HMCN1: variants seen among roughly 807,000 people sequenced by gnomAD.
HMCN1 encodes hemicentin-1.
In HMCN1, 321 loss-of-function variants were observed where a neutral mutation model predicts 625.9. The ratio of observed to expected loss-of-function variants is 0.51; its 90% CI spans 0.47 to 0.56. The LOEUF (loss-of-function observed/expected upper bound fraction) is 0.56. HMCN1 is among the 20% of genes least tolerant of loss of function. HMCN1 has a pLI of 0.00. For synonymous variants in HMCN1, 2,425 were observed against 2,417.6 expected (o/e 1.00, Z -0.09); for missense variants, 6,588 against 6,887.3 (o/e 0.96, Z 1.54).
At chr1:186,161,569 T>C (rs990059867) in intron 97 of HMCN1, among the ~76,000 whole-genome samples, 5 of 152,070 alleles carry the variant, frequency 3.3e-5, no homozygotes, top group African/African-American at 1.2e-4. Flanking sequence ...CAGTTGTTCC[T>C]TTCCATGTTT....
At chr1:186,186,716 C>G (rs1653334090) in intron 105 of HMCN1, among the ~76,000 whole-genome samples, 1 of 151,970 alleles carries the variant, frequency 6.6e-6, no homozygotes, top group African/African-American at 2.4e-5. Flanking sequence ...GACCTCCAGG[C>G]CATGAGATGT....
At position 186,016,045 on chromosome 1, in the gene HMCN1, C is replaced by T. The variant is rs755065895; in HGVS notation, c.4997C>T (p.Ala1666Val). The stretch of plus-strand genomic sequence containing the variant: ...TCTCTGACACTGGAGTGCAAAGCTG[C>T]TGGAAACCCTTCTCCCATTCTCACC... ...AHSLTLECKA[A>V]GNPSPILTWL... Residue 1666 changes from alanine to valine, a missense_variant, in exon 32 of 107, where the codon GCT (alanine) becomes GTT (valine). Transcript: ENST00000271588. 23 of 1,613,334 alleles carry T rather than the reference C, an allele frequency of 1.4e-5. No homozygotes were observed. The highest frequency in any genetic ancestry group is 1.9e-5 in the Non-Finnish European group (23 of 1,179,590).
At chr1:185,739,527 T>C (rs532766847) in intron 1 of HMCN1, among the ~76,000 whole-genome samples, 3 of 152,270 alleles carry the variant, frequency 2.0e-5, no homozygotes, top group South Asian at 4.1e-4. Context: ...GGACAGTGTG[T>C]TTTAATGAGT....
At position 185,855,293 on chromosome 1, in the gene HMCN1, C is replaced by T. The variant is rs192720579; in HGVS notation, c.340-9177C>T. Among the ~76,000 whole-genome samples, 22 of 152,146 alleles carry T rather than the reference C, an allele frequency of 1.4e-4. 1 individual carries two copies. Among genetic ancestry groups the T allele is most frequent in the Admixed American group, 4.6e-4 (7 of 15,272 alleles). The stretch of plus-strand genomic sequence containing the variant: ...TTTGAAGGTCACAATAAAAAGATAC[C>T]GAATCCTTGAAGAGGGTAAGAAAGA... On this transcript the variant is annotated intron_variant, in intron 2 of 106. Transcript: ENST00000271588.
At chr1:186,090,991 G>A (rs1160618817) in intron 64 of HMCN1, 74 bp downstream of exon 64, 1 of 1,443,592 alleles carries the variant, frequency 6.9e-7, no homozygotes, top group African/African-American at 1.4e-5. Flanking sequence ...AATTTCACAT[G>A]AATAATAATA....
chr1:185,902,607 A>T (rs1665880393), intron 4 of HMCN1, among the ~76,000 whole-genome samples: 1 of 151,696 alleles, frequency 6.6e-6, no homozygotes, highest in African/African-American at 2.4e-5. Context: ...ATATATGGAT[A>T]GGTAAATAAA....
intron 41 of HMCN1, among the ~76,000 whole-genome samples, chr1:186,047,157 G>A (rs1656632313): frequency 1.3e-5 from 2 of 152,118 alleles, no homozygotes; most frequent in Non-Finnish European, 2.9e-5. Flanking sequence ...GGCAAAGGAT[G>A]GAGATCTTAG....
In HMCN1 at chr1:186,145,564, A is replaced by G. The variant is rs1024643080; in HGVS notation, c.14428A>G (p.Met4810Val). 30 of 1,613,926 alleles carry G rather than the reference A, an allele frequency of 1.9e-5. No individual in the cohort carries two copies. The highest frequency in any genetic ancestry group is 1.0e-4 in the Admixed American group (6 of 59,996). The change falls in exon 92 of 107, where the codon ATG becomes GTG. Residue 4810 changes from methionine (M) to valine (V), a missense_variant. This residue lies in a region of HMCN1 where 1,954 missense variants were observed against 2,013.1 expected (regional missense o/e 0.97). Coordinates refer to ENST00000271588, the MANE Select transcript of HMCN1 (RefSeq NM_031935.3). ...CCAGATCCAGAGGTGCAACACTGAC[A>G]TGTGTCCTGGTGAGCCTCTTGATTT... Reference protein sequence around the residue: ...DSQIQRCNTDMCPVDGSWGSW... With the variant: ...DSQIQRCNTDVCPVDGSWGSW...
In HMCN1 at chr1:186,172,042, A is replaced by G; in HGVS notation, c.15725A>G (p.Asp5242Gly). The stretch of plus-strand genomic sequence containing the variant: ...TGTAGACAAAATGTATGCAGACCAG[A>G]TCAGCACTGTAAGAACACCCGTGGT... Reference protein sequence around the residue: ...NECRQNVCRPDQHCKNTRGGY... With the variant: ...NECRQNVCRPGQHCKNTRGGY... The change falls in exon 102 of 107, where the codon GAT becomes GGT. Residue 5242 changes from aspartate to glycine, a missense_variant. By Grantham distance (94) the Asp-to-Gly change is moderately conservative (BLOSUM62 -1). Coordinates refer to ENST00000271588, the MANE Select transcript of HMCN1 (RefSeq NM_031935.3). The G allele has an allele frequency of 6.2e-7, 1 of 1,613,688 alleles. No homozygotes were observed. The highest frequency in any genetic ancestry group is 8.5e-7 in the Non-Finnish European group (1 of 1,179,630).
chr1:185,948,475 T>C (rs924238564), intron 11 of HMCN1, among the ~76,000 whole-genome samples: 2 of 135,992 alleles, frequency 1.5e-5, no homozygotes, highest in African/African-American at 5.6e-5. Context: ...TGGGCAGGAG[T>C]GGGGGTCGCA....
At chr1:186,016,343 G>T (rs1359093946) in intron 32 of HMCN1, 104 bp downstream of exon 32, 4 of 1,108,444 alleles carry the variant, frequency 3.6e-6, no homozygotes, top group Admixed American at 3.9e-5. Context: ...TCTAAAAGAA[G>T]GTATAGTCCT....
chr1:185,787,583 C>T (rs1048364838), intron 1 of HMCN1, among the ~76,000 whole-genome samples: 5 of 152,188 alleles, frequency 3.3e-5, no homozygotes, highest in Non-Finnish European at 5.9e-5. Context: ...AAATCCTTAG[C>T]ACTTTCATTG....
chr1:186,183,892 G>A (rs1182623141), intron 105 of HMCN1, among the ~76,000 whole-genome samples: 1 of 152,096 alleles, frequency 6.6e-6, no homozygotes, highest in East Asian at 1.9e-4. Flanking sequence ...TCTTCCTGAA[G>A]GAGTGGCGAT....
chr1:186,117,371 A>G (rs1002996066), intron 76 of HMCN1, 88 bp from the exon 77 acceptor site: 3 of 1,469,000 alleles, frequency 2.0e-6, no homozygotes, highest in African/African-American at 2.8e-5. Flanking sequence ...CTTTCAGAGC[A>G]AAAAGAGGAT....
At chr1:185,969,888 G>A (rs964723785) in intron 14 of HMCN1, among the ~76,000 whole-genome samples, 9 of 152,158 alleles carry the variant, frequency 5.9e-5, no homozygotes, top group African/African-American at 1.9e-4. Flanking sequence ...GACATCTTCT[G>A]CCTTCAAATA....
chr1:185,924,319 C>G (rs1038404659), intron 8 of HMCN1, among the ~76,000 whole-genome samples: 1 of 150,488 alleles, frequency 6.6e-6, no homozygotes, highest in African/African-American at 2.5e-5. Context: ...CAAGCCCCGC[C>G]TCCCGGGTTC....
In HMCN1 at chr1:186,000,662, T is replaced by G. The variant is rs1472796175; in HGVS notation, c.4069+423T>G. On this transcript the variant is annotated intron_variant, in intron 26 of 106. Coordinates refer to ENST00000271588, the MANE Select transcript of HMCN1 (RefSeq NM_031935.3). The stretch of plus-strand genomic sequence containing the variant: ...TACAATGTTTTATCCTCTTTTTATT[T>G]ATAAAACGTACACATATAATAGAAC... 5.9e-5 allele frequency among the ~76,000 whole-genome samples: 9 copies of G among 151,930 alleles called. No homozygotes were observed. In the East Asian group the frequency reaches 1.7e-3, roughly 29 times the overall value.
intron 2 of HMCN1, among the ~76,000 whole-genome samples, chr1:185,849,980 C>T (rs1163741141): frequency 6.6e-6 from 1 of 151,938 alleles, no homozygotes; most frequent in African/African-American, 2.4e-5. Context: ...AAAAAAATTT[C>T]CTTAGAAACT....
chr1:185,754,962 A>T (rs992452487), intron 1 of HMCN1, among the ~76,000 whole-genome samples: 1 of 152,234 alleles, frequency 6.6e-6, no homozygotes. Context: ...TATGAGCATA[A>T]CTTCTCTATC....
Sources: gnomAD v4.1 joint callset for allele counts (sites outside exome capture counted in the v4.1 genomes callset) on GRCh38, gnomAD v4.1.1 for gene constraint, gnomAD v4.1.1 regional missense constraint, MANE v1.5 for transcripts, NCBI Gene and HGNC (gene_info 2026-07-23, HGNC 2026-07-21) for gene names.